The following LIPN variants were observed in gnomAD, a reference collection of about 807,000 sequenced individuals.
The protein encoded by LIPN is lipase family member N, also known as lipase member N.
LIPN carries 32 observed loss-of-function variants against 43.7 expected under a neutral mutation model. That is an observed-to-expected ratio of 0.73 (90% confidence interval 0.55 to 0.98). LIPN has a LOEUF of 0.98. Among genes scored for constraint, LIPN ranks in the 50% least tolerant of loss-of-function variants. LIPN has a pLI of 0.00. For synonymous variants in LIPN, 156 were observed against 157.6 expected (o/e 0.99, Z 0.08); for missense variants, 505 against 483.8 (o/e 1.04, Z -0.41).
chr10:88,771,403 C>G (rs1843206929), intron 7 of LIPN, among the ~76,000 whole-genome samples: 1 of 151,744 alleles, frequency 6.6e-6, no homozygotes, highest in South Asian at 2.1e-4. Flanking sequence ...GCCTCTTTAT[C>G]CTTCCCCCTC....
At chr10:88,776,812 T>C (rs1190278733) in intron 9 of LIPN, among the ~76,000 whole-genome samples, 1 of 152,020 alleles carries the variant, frequency 6.6e-6, no homozygotes, top group Non-Finnish European at 1.5e-5. Context: ...GTCTCTATCT[T>C]CTTGATTCTC....
chr10:88,766,478 T>C, intron 5 of LIPN, 100 bp downstream of exon 5: 5 of 771,894 alleles, frequency 6.5e-6, no homozygotes, highest in Non-Finnish European at 1.2e-5. Flanking sequence ...CAACTGTTAC[T>C]TATAGTGCCC....
intron 9 of LIPN, among the ~76,000 whole-genome samples, chr10:88,776,543 G>A (rs1843298586): frequency 6.6e-6 from 1 of 152,032 alleles, no homozygotes; most frequent in Non-Finnish European, 1.5e-5. Flanking sequence ...CTCATTTGAT[G>A]CCAATTTTTA....
At position 88,768,049 on chromosome 10, in the gene LIPN, CACACACACACACAT is replaced by C. The variant is rs1191144998; in HGVS notation, c.536-742_536-729del. Among the ~76,000 whole-genome samples the C allele has an allele frequency of 5.8e-4, 85 of 146,138 alleles. No individual in the cohort carries two copies. The East Asian group carries it at 0.012, about 20-fold the overall frequency. On this transcript the variant is annotated intron_variant, in intron 5 of 9. Transcript: ENST00000404459. ...ACACACACACACACACACACACACACACACACACACACATGCCAGTGGAGGCCCAGGAAGGGACC... is the reference window on the plus strand; with the variant it reads ...ACACACACACACACACACACACACACGCCAGTGGAGGCCCAGGAAGGGACC...
At chr10:88,764,293 G>A (rs1590174244) in intron 3 of LIPN, 117 bp from the exon 4 acceptor site, 1 of 719,246 alleles carries the variant, frequency 1.4e-6, no homozygotes, top group East Asian at 2.6e-5. Context: ...TACCATGTGT[G>A]TATGTGTGTG....
intron 7 of LIPN, among the ~76,000 whole-genome samples, chr10:88,773,683 A>G (rs999221462): frequency 2.6e-5 from 4 of 151,952 alleles, no homozygotes; most frequent in South Asian, 2.1e-4. Flanking sequence ...AGGCTGTTAC[A>G]GTGAAGCCAG....
Position 88,775,238 on chromosome 10 carries a change from C to T in LIPN, c.963+75C>T, listed in dbSNP as rs138135441. ...AAAAAATTATTTGAGGGTGGAAAGACTCCTACCTGTCATTTGGTGGCATTT... is the reference window on the plus strand; with the variant it reads ...AAAAAATTATTTGAGGGTGGAAAGATTCCTACCTGTCATTTGGTGGCATTT... On this transcript the variant is annotated intron_variant, in intron 9 of 9. Transcript: ENST00000404459. 984 of 1,007,700 alleles carry T rather than the reference C, an allele frequency of 9.8e-4. 6 individuals are homozygous for T. In the African/African-American group the frequency reaches 0.014, roughly 14 times the overall value. The allele number at this position is 1,007,700 out of a possible 1,614,324, so 62.4% of individuals were successfully genotyped here.
Position 88,775,153 on chromosome 10 carries a change from A to C in LIPN, c.953A>C (p.His318Pro). The C allele has an allele frequency of 6.5e-7, 1 of 1,542,804 alleles. No individual in the cohort carries two copies. The highest frequency in any genetic ancestry group is 8.8e-7 in the Non-Finnish European group (1 of 1,140,492). ...DWGNDADNMK[H>P]YNQSHPPIYD... Reference sequence around the variant, plus strand: ...GGAAATGACGCTGATAATATGAAACATTACAATCAGGTGAGCTATTTACAG... The same window carrying C: ...GGAAATGACGCTGATAATATGAAACCTTACAATCAGGTGAGCTATTTACAG... Residue 318 changes from histidine (H) to proline (P), a missense_variant, in exon 9 of 10, where the codon CAT becomes CCT. By Grantham distance (77) the His-to-Pro change is moderately conservative (BLOSUM62 -2). Transcript: ENST00000404459.
chr10:88,766,288 TATG>T lies in LIPN; in HGVS notation c.448_450del (p.Asp150del). 6.2e-7 allele frequency: 1 copy of T among 1,601,108 alleles called. No individual in the cohort carries two copies. The highest frequency in any genetic ancestry group is 1.1e-5 in the South Asian group (1 of 89,940). ...TTGCAGTTTTGATGAAATGGCCAAATATGATCTCCCAGGAGTAATAGACTTCAT... is the reference window on the plus strand; with the variant it reads ...TTGCAGTTTTGATGAAATGGCCAAATATCTCCCAGGAGTAATAGACTTCAT... On this transcript the variant is annotated inframe_deletion, in exon 5 of 10. Coordinates refer to ENST00000404459, the MANE Select transcript of LIPN (RefSeq NM_001102469.2).
At chr10:88,761,570 G>A (rs564037447) in intron 2 of LIPN, 57 bp downstream of exon 2, 2 of 1,129,742 alleles carry the variant, frequency 1.8e-6, no homozygotes, top group Non-Finnish European at 2.6e-6. Flanking sequence ...TGGAGTATGA[G>A]GTTACGAAAG....
At position 88,778,809 on chromosome 10, in the gene LIPN, G is replaced by A. The variant is rs1381474495; in HGVS notation, c.*567G>A. Among the ~76,000 whole-genome samples the A allele has an allele frequency of 6.6e-6, 1 of 152,076 alleles. No homozygotes were observed. The highest frequency in any genetic ancestry group is 1.5e-5 in the Non-Finnish European group (1 of 68,022). Reference sequence around the variant, plus strand: ...CTCTTTTCTTACAATCTTATCCCTGGCTATCTGCGTAAACGGAATCTTGAA... The same window carrying A: ...CTCTTTTCTTACAATCTTATCCCTGACTATCTGCGTAAACGGAATCTTGAA... On this transcript the variant is annotated 3_prime_UTR_variant, in exon 10 of 10. Transcript: ENST00000404459.
rs767700070 is a variant in LIPN at position 88,778,042 on chromosome 10, A to G, written c.997A>G (p.Lys333Glu). ...CCCTATATATGACCTGACTGCCATG[A>G]AAGTGCCTACTGCTATTTGGGCTGG... ...HPPIYDLTAM[K>E]VPTAIWAGGH... Residue 333 changes from lysine to glutamate, a missense_variant, in exon 10 of 10, where the codon AAA becomes GAA. Physicochemically the swap from Lys to Glu is moderately conservative, Grantham distance 56. Transcript: ENST00000404459. 1.9e-6 allele frequency: 3 copies of G among 1,613,420 alleles called. No homozygotes were observed. The highest frequency in any genetic ancestry group is 2.5e-6 in the Non-Finnish European group (3 of 1,179,570).
At chr10:88,764,326 C>A in intron 3 of LIPN, 84 bp from the exon 4 acceptor site, 1 of 1,033,672 alleles carries the variant, frequency 9.7e-7, no homozygotes, top group Non-Finnish European at 1.4e-6. Context: ...TTCCGACATG[C>A]TCTATTTAAC....
intron 7 of LIPN, among the ~76,000 whole-genome samples, chr10:88,772,002 G>T (rs1457940789): frequency 6.6e-6 from 1 of 151,798 alleles, no homozygotes; most frequent in Admixed American, 6.6e-5. Context: ...TTTCTCTAAT[G>T]ATTAGTAATG....
chr10:88,774,525 A>C lies in LIPN; in HGVS notation c.872A>C (p.Asn291Thr). 2 of 1,610,560 alleles carry C rather than the reference A, an allele frequency of 1.2e-6. No homozygotes were observed. The highest frequency in any genetic ancestry group is 2.2e-5 in the South Asian group (2 of 90,984). ...SHAPTGSSVH[N>T]ILHIKQLYHS... is the part of the protein sequence containing the mutation. ...GCTCCCACTGGTTCATCAGTACACA[A>C]CATTCTGCATATAAAACAGGTAGAG... The change falls in exon 8 of 10, where the codon AAC (asparagine) becomes ACC (threonine). Residue 291 changes from asparagine to threonine, a missense_variant. Transcript: ENST00000404459.
intron 9 of LIPN, among the ~76,000 whole-genome samples, chr10:88,775,385 G>A (rs1365363722): frequency 6.6e-6 from 1 of 151,764 alleles, no homozygotes; most frequent in East Asian, 1.9e-4. Flanking sequence ...TCCATCCAGA[G>A]ATAACTAGAT....
In LIPN at chr10:88,764,707, A is replaced by G. The variant is rs1421553846; in HGVS notation, c.425+99A>G. 3.7e-6 allele frequency: 3 copies of G among 820,798 alleles called. No homozygotes were observed. The African/African-American group carries it at 5.2e-5, about 14-fold the overall frequency. The allele number at this position is 820,798 out of a possible 1,614,324, so 50.8% of individuals were successfully genotyped here. A position where few individuals can be genotyped will look rare whatever the true frequency, so the allele number is the denominator to read the frequency against. On this transcript the variant is annotated intron_variant, in intron 4 of 9. Transcript: ENST00000404459. The stretch of plus-strand genomic sequence containing the variant: ...GATTATCTTTGACGCTTGAAGTCAT[A>G]TAGCTCCTTGTAGTTTCTGTTAAGA...
At chr10:88,760,607 C>T (rs1288894334) in intron 1 of LIPN, among the ~76,000 whole-genome samples, 1 of 152,084 alleles carries the variant, frequency 6.6e-6, no homozygotes, top group East Asian at 1.9e-4. Context: ...TAAGAACTTA[C>T]ACTGCACTAA....
At position 88,778,355 on chromosome 10, in the gene LIPN, G is replaced by A. The variant is rs2133036040; in HGVS notation, c.*113G>A. On this transcript the variant is annotated 3_prime_UTR_variant, in exon 10 of 10. Transcript: ENST00000404459. The stretch of plus-strand genomic sequence containing the variant: ...CCCAGCACCCTGGGGGAGATGCACA[G>A]TGGAGTCTGTTTTCCAAGTCAATTG... 1.5e-6 allele frequency: 1 copy of A among 681,448 alleles called. No individual in the cohort carries two copies. The highest frequency in any genetic ancestry group is 1.9e-5 in the South Asian group (1 of 52,408). 42.2% of individuals were successfully genotyped at this position (681,448 alleles called of 1,614,324 possible). A position where few individuals can be genotyped will look rare whatever the true frequency, so the allele number is the denominator to read the frequency against.
Sources: gnomAD v4.1 joint callset for allele counts (sites outside exome capture counted in the v4.1 genomes callset) on GRCh38, gnomAD v4.1.1 for gene constraint, MANE v1.5 for transcripts, NCBI Gene and HGNC (gene_info 2026-07-23, HGNC 2026-07-21) for gene names.